SLIT1: variants seen among roughly 807,000 people sequenced by gnomAD.
SLIT1 encodes slit guidance ligand 1, also known as slit homolog 1 protein.
Under a neutral mutation model 186.1 loss-of-function variants are expected in SLIT1, and 66 were observed. The ratio of observed to expected loss-of-function variants is 0.35; its 90% CI spans 0.29 to 0.44. The LOEUF is 0.44. SLIT1 is among the 20% of genes least tolerant of loss of function. The pLI, the probability that SLIT1 is intolerant of heterozygous loss-of-function variation, is 1.00. For missense variants in SLIT1, 1,638 were observed against 2,037.4 expected, an observed-to-expected ratio of 0.80 and a Z score of 3.77; for synonymous variants, 761 against 833.8, an observed-to-expected ratio of 0.91 and a Z score of 1.50.
At chr10:97,120,504 G>A (rs1005006163) in intron 4 of SLIT1, among the ~76,000 whole-genome samples, 16 of 152,204 alleles carry the variant, frequency 1.1e-4, no homozygotes, top group African/African-American at 3.9e-4. Flanking sequence ...GACTTGTGTC[G>A]GGGTACTGGA....
At chr10:97,171,957 A>G (rs141186852) in intron 1 of SLIT1, among the ~76,000 whole-genome samples, 278 of 151,952 alleles carry the variant, frequency 1.8e-3, no homozygotes, top group Middle Eastern at 6.8e-3. Flanking sequence ...CTCTTTGCCT[A>G]CGAACTCCAA....
chr10:97,135,019 C>A lies in SLIT1; in HGVS notation c.413+22799G>T, dbSNP rs577348198. Reference sequence around the variant, plus strand: ...CACAGCCTTTTTTCTCACCATGATACCCCCAGAGACCAGAATGAGGCAGAA... The same window carrying A: ...CACAGCCTTTTTTCTCACCATGATAACCCCAGAGACCAGAATGAGGCAGAA... On this transcript the variant is annotated intron_variant, in intron 4 of 36. Transcript: ENST00000266058. 2.6e-5 allele frequency among the ~76,000 whole-genome samples: 4 copies of A among 152,276 alleles called. No individual in the cohort carries two copies. In the East Asian group the frequency reaches 5.8e-4, roughly 22 times the overall value.
intron 4 of SLIT1, among the ~76,000 whole-genome samples, chr10:97,106,292 G>A (rs1027937924): frequency 6.6e-6 from 1 of 152,220 alleles, no homozygotes; most frequent in African/African-American, 2.4e-5. Context: ...GGTCAGAGCT[G>A]GAGCTGCTGT....
intron 4 of SLIT1, among the ~76,000 whole-genome samples, chr10:97,099,033 C>T (rs966824781): frequency 3.9e-5 from 6 of 152,074 alleles, no homozygotes; most frequent in African/African-American, 1.2e-4. Flanking sequence ...AGGGAGCGAG[C>T]GTGTGTGACT....
chr10:97,176,610 C>T (rs928197534), intron 1 of SLIT1, among the ~76,000 whole-genome samples: 3 of 152,222 alleles, frequency 2.0e-5, no homozygotes, highest in Admixed American at 2.0e-4. Context: ...CTGCTCTGCC[C>T]ACTTTACCAG....
At position 97,185,810 on chromosome 10, in the gene SLIT1, G is replaced by T; in HGVS notation, c.-136C>A. On this transcript the variant is annotated 5_prime_UTR_variant, in exon 1 of 37. Coordinates refer to ENST00000266058, the MANE Select transcript of SLIT1 (RefSeq NM_003061.3). ...GGGCTTGCGCGCGGCGCCCCTGCGGGCTGGGAGGCACCTTGCTCCTCCAAG... is the reference window on the plus strand; with the variant it reads ...GGGCTTGCGCGCGGCGCCCCTGCGGTCTGGGAGGCACCTTGCTCCTCCAAG... The T allele has an allele frequency of 4.0e-6, 3 of 741,816 alleles. No homozygotes were observed. Among genetic ancestry groups the T allele is most frequent in the Non-Finnish European group, 5.9e-6 (3 of 504,610 alleles). 46.0% of individuals were successfully genotyped at this position (741,816 alleles called of 1,614,324 possible).
chr10:97,067,943 C>A (rs1246501183), intron 4 of SLIT1, among the ~76,000 whole-genome samples: 1 of 152,120 alleles, frequency 6.6e-6, no homozygotes, highest in East Asian at 1.9e-4. Context: ...CTGTCAAGGC[C>A]GCCGCTGCCC....
chr10:97,052,020 T>C (rs1023404668), intron 13 of SLIT1, among the ~76,000 whole-genome samples: 2 of 151,466 alleles, frequency 1.3e-5, no homozygotes, highest in Non-Finnish European at 2.9e-5. Flanking sequence ...TGCTACAATA[T>C]GAATGAGCCT....
At chr10:97,155,427 G>A (rs1849936884) in intron 4 of SLIT1, 1 of 152,290 alleles carries the variant, frequency 6.6e-6, no homozygotes, top group African/African-American at 2.4e-5. Context: ...GTAAAGGAGG[G>A]AGGGAGTCCC....
At chr10:97,183,594 C>T (rs926860246) in intron 1 of SLIT1, among the ~76,000 whole-genome samples, 9 of 152,216 alleles carry the variant, frequency 5.9e-5, no homozygotes, top group Non-Finnish European at 1.0e-4. Context: ...AATGCCACCT[C>T]TTTCCTCTGT....
chr10:97,013,210 T>C (rs1244160848), intron 30 of SLIT1, among the ~76,000 whole-genome samples: 1 of 152,180 alleles, frequency 6.6e-6, no homozygotes, highest in African/African-American at 2.4e-5. Flanking sequence ...ATATTCACAT[T>C]ACGTGGGATG....
intron 4 of SLIT1, among the ~76,000 whole-genome samples, chr10:97,093,679 G>A (rs115691766): frequency 0.021 from 3,146 of 152,296 alleles, 106 homozygotes; most frequent in African/African-American, 0.069. Flanking sequence ...GAAAAACTCC[G>A]ATATCTTAGT....
intron 4 of SLIT1, among the ~76,000 whole-genome samples, chr10:97,082,345 A>G (rs1849113706): frequency 6.6e-6 from 1 of 152,260 alleles, no homozygotes; most frequent in Admixed American, 6.5e-5. Context: ...GGCAACATTT[A>G]TCGTGCATTT....
intron 11 of SLIT1, among the ~76,000 whole-genome samples, chr10:97,058,666 G>T (rs903668858): frequency 6.6e-6 from 1 of 152,090 alleles, no homozygotes; most frequent in Non-Finnish European, 1.5e-5. Context: ...TGCACTCCCC[G>T]GGGGAGTTCT....
chr10:97,059,573 A>C lies in SLIT1; in HGVS notation c.1014-42T>G, dbSNP rs533440844. 2.7e-6 allele frequency: 4 copies of C among 1,480,242 alleles called. No individual in the cohort carries two copies. The South Asian group carries it at 4.5e-5, about 17-fold the overall frequency. 91.7% of individuals were successfully genotyped at this position (1,480,242 alleles called of 1,614,324 possible). Reference sequence around the variant, plus strand: ...AGGAGAGGGGGCATCTGAATCCCTCAACAGCCACTAAGCCCTGCCCAGTCC... The same window carrying C: ...AGGAGAGGGGGCATCTGAATCCCTCCACAGCCACTAAGCCCTGCCCAGTCC... On this transcript the variant is annotated intron_variant, in intron 10 of 36. Transcript: ENST00000266058.
At chr10:97,138,609 C>T (rs914662579) in intron 4 of SLIT1, among the ~76,000 whole-genome samples, 1 of 151,788 alleles carries the variant, frequency 6.6e-6, no homozygotes, top group African/African-American at 2.4e-5. Context: ...ATTTCCTGTC[C>T]TTTGTTTCCT....
Position 97,043,480 on chromosome 10 carries a change from G to C in SLIT1, c.1887C>G (p.His629Gln). 1.2e-6 allele frequency: 2 copies of C among 1,613,896 alleles called. No individual in the cohort carries two copies. Among genetic ancestry groups the C allele is most frequent in the Non-Finnish European group, 1.7e-6 (2 of 1,179,960 alleles). Reference sequence around the variant, plus strand: ...TGCGCAGGCCCGTGAAGCTGTCGTTGTGGATGCAGCTGATGCGGTTGTTCC... The same window carrying C: ...TGCGCAGGCCCGTGAAGCTGTCGTTCTGGATGCAGCTGATGCGGTTGTTCC... ...MLRNNRISCI[H>Q]NDSFTGLRNV... The change falls in exon 19 of 37, where the codon CAC (histidine) becomes CAG (glutamine). Residue 629 changes from histidine to glutamine, a missense_variant. Coordinates refer to ENST00000266058, the MANE Select transcript of SLIT1 (RefSeq NM_003061.3). This position sits in a 1 kb window ranked among gnomAD's most constrained non-coding sequence, Gnocchi z 7.0.
In SLIT1 at chr10:97,010,761, T is replaced by C. The variant is rs1564652826; in HGVS notation, c.3341+232A>G. On this transcript the variant is annotated intron_variant, in intron 31 of 36. Transcript: ENST00000266058. This position sits in a 1 kb window ranked among gnomAD's most constrained non-coding sequence, Gnocchi z 4.8. ...CACTGCCCTGTCATCTGCACCCACC[T>C]CTCATGCCCTCCACCAAACAGGTTA... Among the ~76,000 whole-genome samples the C allele has an allele frequency of 6.6e-6, 1 of 152,126 alleles. No individual in the cohort carries two copies. The highest frequency in any genetic ancestry group is 1.9e-4 in the East Asian group (1 of 5,178).
intron 4 of SLIT1, among the ~76,000 whole-genome samples, chr10:97,105,166 G>T (rs1005458845): frequency 2.0e-5 from 3 of 152,126 alleles, no homozygotes; most frequent in Middle Eastern, 3.2e-3. Flanking sequence ...TAGAAAGAAG[G>T]GGGGCATGCT....
Sources: gnomAD v4.1 joint callset for allele counts (sites outside exome capture counted in the v4.1 genomes callset) on GRCh38, gnomAD v4.1.1 for gene constraint, Gnocchi (gnomAD v3.1) non-coding constraint, MANE v1.5 for transcripts, NCBI Gene and HGNC (gene_info 2026-07-23, HGNC 2026-07-21) for gene names.